Variants in C5orf34 observed in about 807,000 individuals in gnomAD.
The protein encoded by C5orf34 is chromosome 5 open reading frame 34, also known as uncharacterized protein C5orf34.
C5orf34 carries 73 observed loss-of-function variants against 78.4 expected under a neutral mutation model. The ratio of observed to expected loss-of-function variants is 0.93; its 90% CI spans 0.77 to 1.13. The LOEUF is 1.13. Among genes scored for constraint, C5orf34 ranks in the 50% most tolerant of loss-of-function variants. C5orf34 has a pLI of 0.00. For missense variants in C5orf34, 730 were observed against 732.7 expected (o/e 1.00, Z 0.04); for synonymous variants, 251 against 246.6 (o/e 1.02, Z -0.17).
Position 43,494,525 on chromosome 5 carries a change from A to C in C5orf34, c.1229T>G (p.Ile410Ser), listed in dbSNP as rs1373727588. The change falls in exon 7 of 13, where the codon ATT becomes AGT. Residue 410 changes from isoleucine (I) to serine (S), a missense_variant. By Grantham distance (142) the Ile-to-Ser change is moderately radical. Coordinates refer to ENST00000306862, the MANE Select transcript of C5orf34 (RefSeq NM_198566.4). ...PGSPFTVGSL[I>S]KQATRILQHC... is the part of the protein sequence containing the mutation. ...AAGAACTTACCTTGTTGCCTGTTTA[A>C]TTAGAGAACCGACAGTGAATGGACT... 1 of 1,604,648 alleles carries C rather than the reference A, an allele frequency of 6.2e-7. No individual in the cohort carries two copies. Among genetic ancestry groups the C allele is most frequent in the Non-Finnish European group, 8.5e-7 (1 of 1,173,726 alleles).
chr5:43,515,105 T>C lies in C5orf34; in HGVS notation c.-336A>G, dbSNP rs900707910. 2 of 152,116 alleles carry C rather than the reference T, an allele frequency of 1.3e-5. No homozygotes were observed. The highest frequency in any genetic ancestry group is 6.5e-5 in the Admixed American group (1 of 15,270). 9.4% of individuals were successfully genotyped at this position (152,116 alleles called of 1,614,324 possible). On this transcript the variant is annotated 5_prime_UTR_variant, in exon 1 of 13. Coordinates refer to ENST00000306862, the MANE Select transcript of C5orf34 (RefSeq NM_198566.4). The stretch of plus-strand genomic sequence containing the variant: ...GAAAGCGCAAACCGCACAAGACCAG[T>C]TCAAAACCAGCGCCCTCAGGGAGCC...
At chr5:43,488,081 G>A (rs1374589308) in intron 11 of C5orf34, 132 bp from the exon 12 acceptor site, 1 of 643,218 alleles carries the variant, frequency 1.6e-6, no homozygotes, top group African/African-American at 1.9e-5. Flanking sequence ...TTCTCTTTAT[G>A]TTACCTTTAT....
intron 4 of C5orf34, among the ~76,000 whole-genome samples, chr5:43,505,096 G>A (rs1413502066): frequency 6.6e-6 from 1 of 152,170 alleles, no homozygotes; most frequent in African/African-American, 2.4e-5. Context: ...AACAGTACCT[G>A]GCACATAAGT....
In C5orf34 at chr5:43,488,660, C is replaced by A. The variant is rs553974568; in HGVS notation, c.1680-711G>T. ...AGGGTTAACATGATGAACATTAGCT[C>A]TTATACCATGTTCTATAGAAAGATA... On this transcript the variant is annotated intron_variant, in intron 11 of 12. Coordinates refer to ENST00000306862, the MANE Select transcript of C5orf34 (RefSeq NM_198566.4). 4.6e-5 allele frequency among the ~76,000 whole-genome samples: 7 copies of A among 152,128 alleles called. No individual in the cohort carries two copies. The South Asian group carries it at 1.5e-3, about 32-fold the overall frequency.
intron 10 of C5orf34, 97 bp from the exon 11 acceptor site, chr5:43,490,826 G>A (rs1745251960): frequency 1.5e-5 from 10 of 645,778 alleles, no homozygotes; most frequent in South Asian, 1.5e-4. Context: ...TGGGAAAAAA[G>A]GATAAAGAAA....
intron 6 of C5orf34, among the ~76,000 whole-genome samples, chr5:43,501,214 C>A (rs1388727658): frequency 6.6e-6 from 1 of 152,218 alleles, no homozygotes; most frequent in Non-Finnish European, 1.5e-5. Context: ...AGCAATATGA[C>A]TATGCATACC....
chr5:43,504,190 C>G (rs1745883623), intron 4 of C5orf34, among the ~76,000 whole-genome samples: 1 of 151,956 alleles, frequency 6.6e-6, no homozygotes, highest in South Asian at 2.1e-4. Flanking sequence ...GCCTGTAATC[C>G]CAGCTACTCA....
intron 6 of C5orf34, among the ~76,000 whole-genome samples, chr5:43,500,603 C>T (rs1161498436): frequency 6.6e-6 from 1 of 152,172 alleles, no homozygotes; most frequent in Non-Finnish European, 1.5e-5. Flanking sequence ...GCCATGTTGG[C>T]TGGGCTTGTC....
intron 1 of C5orf34, among the ~76,000 whole-genome samples, chr5:43,512,749 C>T (rs1468311648): frequency 3.0e-5 from 4 of 134,864 alleles, no homozygotes; most frequent in East Asian, 2.0e-4. Flanking sequence ...CACTTTTATG[C>T]CCCACCTTGT....
chr5:43,489,748 G>A (rs570594884), intron 11 of C5orf34, among the ~76,000 whole-genome samples: 3 of 152,158 alleles, frequency 2.0e-5, no homozygotes, highest in South Asian at 2.1e-4. Context: ...TTAGGAAAAG[G>A]TAACAAAAAT....
intron 8 of C5orf34, 58 bp from the exon 9 acceptor site, chr5:43,492,948 A>G (rs1745346561): frequency 8.2e-7 from 1 of 1,217,524 alleles, no homozygotes; most frequent in South Asian, 1.5e-5. Flanking sequence ...CAAGATTTAA[A>G]TGAATATTAA....
At chr5:43,511,868 A>G (rs1360573089) in intron 1 of C5orf34, among the ~76,000 whole-genome samples, 1 of 152,114 alleles carries the variant, frequency 6.6e-6, no homozygotes. Flanking sequence ...CCTAATCTCA[A>G]GTACCCAGGG....
At chr5:43,488,328 A>T (rs191794662) in intron 11 of C5orf34, 112 of 184,782 alleles carry the variant, frequency 6.1e-4, no homozygotes, top group East Asian at 2.7e-3. Flanking sequence ...CTGTGAAAGA[A>T]CTGCTCTCTC....
In C5orf34 at chr5:43,506,078, T is replaced by G; in HGVS notation, c.602A>C (p.Gln201Pro). 6.2e-7 allele frequency: 1 copy of G among 1,614,180 alleles called. No homozygotes were observed. Among genetic ancestry groups the G allele is most frequent in the Non-Finnish European group, 8.5e-7 (1 of 1,180,002 alleles). ...TAAAGTTTCTTTGGATTTCATGATC[T>G]GGCAATGAAACTCATTTTCTTTATT... Reference protein sequence around the residue: ...LKNKENEFHCQIMKSKETLKK... With the variant: ...LKNKENEFHCPIMKSKETLKK... The change falls in exon 4 of 13, where the codon CAG becomes CCG. Residue 201 changes from glutamine to proline, a missense_variant. Coordinates refer to ENST00000306862, the MANE Select transcript of C5orf34 (RefSeq NM_198566.4).
At chr5:43,496,371 G>A in intron 6 of C5orf34, 4 of 1,592,624 alleles carry the variant, frequency 2.5e-6, no homozygotes, top group Non-Finnish European at 3.4e-6. Context: ...CACATTTGTA[G>A]GTCAGATGGC....
At position 43,506,385 on chromosome 5, in the gene C5orf34, T is replaced by A. The variant is rs770775696; in HGVS notation, c.295A>T (p.Ile99Phe). Residue 99 changes from isoleucine to phenylalanine, a missense_variant, in exon 4 of 13, where the codon ATT (isoleucine) becomes TTT (phenylalanine). Physicochemically the swap from Ile to Phe is conservative, Grantham distance 21. Coordinates refer to ENST00000306862, the MANE Select transcript of C5orf34 (RefSeq NM_198566.4). The stretch of plus-strand genomic sequence containing the variant: ...GGCCATCTCACTTCTGTTATGTCAA[T>A]GAAGATATGCTGCAAGGAGAGGGGA... ...IPSERKKHIF[I>F]DITEVRWPSL... 6.2e-7 allele frequency: 1 copy of A among 1,601,144 alleles called. No individual in the cohort carries two copies. The highest frequency in any genetic ancestry group is 8.5e-7 in the Non-Finnish European group (1 of 1,173,142).
chr5:43,493,702 T>C (rs1459700706), intron 7 of C5orf34, 90 bp from the exon 8 acceptor site: 2 of 692,582 alleles, frequency 2.9e-6, no homozygotes, highest in African/African-American at 1.8e-5. Flanking sequence ...ACATTTTAGA[T>C]GATCAGTAAA....
chr5:43,503,079 G>GC, intron 5 of C5orf34, among the ~76,000 whole-genome samples: 1 of 152,278 alleles, frequency 6.6e-6, no homozygotes, highest in East Asian at 1.9e-4. Flanking sequence ...GAAAAGGAGA[G>GC]CCCCCTCGCT....
In C5orf34 at chr5:43,505,848, T is replaced by C. The variant is rs753190017; in HGVS notation, c.832A>G (p.Ser278Gly). ...MSKIDAHITQ[S>G]RFLTSDISEE... ...GAAATATCAGAAGTTAAAAATCTAC[T>C]CTGAGTTATATGTGCATCAATTTTA... The change falls in exon 4 of 13, where the codon AGT becomes GGT. Residue 278 changes from serine to glycine, a missense_variant. Ser to Gly is a moderately conservative substitution (Grantham distance 56, BLOSUM62 0). Coordinates refer to ENST00000306862, the MANE Select transcript of C5orf34 (RefSeq NM_198566.4). The C allele has an allele frequency of 7.4e-6, 12 of 1,613,450 alleles. No individual in the cohort carries two copies. The highest frequency in any genetic ancestry group is 4.0e-5 in the African/African-American group (3 of 74,912).
Sources: allele counts gnomAD v4.1 joint callset (sites outside exome capture counted in the v4.1 genomes callset), GRCh38; gene constraint gnomAD v4.1.1; transcripts MANE v1.5; gene names NCBI Gene and HGNC (gene_info 2026-07-23, HGNC 2026-07-21).